Variants in HMCN1 observed in about 807,000 individuals in gnomAD.
HMCN1 encodes hemicentin 1.
Under a neutral mutation model 625.9 loss-of-function variants are expected in HMCN1, and 321 were observed. The observed-to-expected ratio is 0.51, with a 90% CI of 0.47 to 0.56. The LOEUF is 0.56. Among genes scored for constraint, HMCN1 ranks in the 20% least tolerant of loss-of-function variants. The pLI is 0.00. For missense variants in HMCN1, 6,588 were observed against 6,887.3 expected (o/e 0.96, Z 1.54); for synonymous variants, 2,425 against 2,417.6 (o/e 1.00, Z -0.09).
chr1:186,111,129 C>A lies in HMCN1; in HGVS notation c.10990-1683C>A, dbSNP rs138770868. 6.6e-5 allele frequency among the ~76,000 whole-genome samples: 10 copies of A among 150,672 alleles called. No homozygotes were observed. The East Asian group carries it at 2.0e-3, about 30-fold the overall frequency. ...CCAAGTAGCTGGGACTACAGGCACC[C>A]ACCACCAGGCCCGGCTACTTTTTTG... On this transcript the variant is annotated intron_variant, in intron 71 of 106. Transcript: ENST00000271588.
rs563890233 is a variant in HMCN1 at position 186,023,145 on chromosome 1, A to G, written c.5741A>G (p.His1914Arg). 7.4e-6 allele frequency: 12 copies of G among 1,613,002 alleles called. No individual in the cohort carries two copies. The highest frequency in any genetic ancestry group is 1.7e-5 in the Admixed American group (1 of 59,982). The change falls in exon 36 of 107, where the codon CAT becomes CGT. Residue 1914 changes from histidine to arginine, a missense_variant. His to Arg is a conservative substitution (Grantham distance 29, BLOSUM62 0). Around this residue, in one of 3 missense-constraint regions of HMCN1, gnomAD observed 4,628 missense variants for 4,853.1 expected, o/e 0.95. Transcript: ENST00000271588. ...GAAACACAACAGCACATTCAACTGC[A>G]TGTTCATGGTAATGTAATTTCTACA... ...AGETQQHIQLHVHEPPSLEDA... is the reference protein window; with the variant it reads ...AGETQQHIQLRVHEPPSLEDA...
intron 60 of HMCN1, 37 bp downstream of exon 60, chr1:186,087,682 T>G: frequency 6.3e-7 from 1 of 1,577,492 alleles, no homozygotes; most frequent in Non-Finnish European, 8.7e-7. Flanking sequence ...TCATGACACC[T>G]TGGTGGGGTG....
At chr1:186,110,977 C>CTGTTTTTTTTTTTTTTTTTTTT (rs1660847660) in intron 71 of HMCN1, among the ~76,000 whole-genome samples, 1 of 61,648 alleles carries the variant, frequency 1.6e-5, no homozygotes, top group African/African-American at 9.8e-5. Flanking sequence ...AGAGAAAATT[C>CTGTTTTTTTTTTTTTTTTTTTT]TTTTTTTTTT....
intron 1 of HMCN1, among the ~76,000 whole-genome samples, chr1:185,765,554 A>G (rs1381221999): frequency 6.6e-6 from 1 of 152,190 alleles, no homozygotes; most frequent in Non-Finnish European, 1.5e-5. Flanking sequence ...TACCACCAGT[A>G]TCCCTGTTTC....
At chr1:186,095,632 A>C (rs1451954037) in intron 68 of HMCN1, 111 bp downstream of exon 68, 1 of 1,167,574 alleles carries the variant, frequency 8.6e-7, no homozygotes. Context: ...TTTTTTAAAA[A>C]ATTTTTATTG....
rs868464857 is a variant in HMCN1, at chr1:186,174,498, G to A, written c.15815-16G>A. The A allele has an allele frequency of 6.2e-7, 1 of 1,613,124 alleles. No individual in the cohort carries two copies. The highest frequency in any genetic ancestry group is 8.5e-7 in the Non-Finnish European group (1 of 1,179,298). On this transcript the variant is annotated splice_polypyrimidine_tract_variant and intron_variant, in intron 102 of 106. Coordinates refer to ENST00000271588, the MANE Select transcript of HMCN1 (RefSeq NM_031935.3). Reference sequence around the variant, plus strand: ...GAAAGAGGAAATGTTACTTCTCATTGCCTCCATGTCTGTAGATATTGATGA... The same window carrying A: ...GAAAGAGGAAATGTTACTTCTCATTACCTCCATGTCTGTAGATATTGATGA...
chr1:185,773,503 A>G (rs1048273669), intron 1 of HMCN1, among the ~76,000 whole-genome samples: 5 of 152,168 alleles, frequency 3.3e-5, no homozygotes, highest in African/African-American at 1.2e-4. Context: ...TGTTGCATCT[A>G]TCTTTTCATC....
chr1:186,055,526 C>T lies in HMCN1; in HGVS notation c.6996C>T (p.Pro2332=), dbSNP rs767597600. Residue 2332 remains proline (P), a synonymous_variant, in exon 45 of 107, where the codon CCC becomes CCT. Coordinates refer to ENST00000271588, the MANE Select transcript of HMCN1 (RefSeq NM_031935.3). The part of the protein sequence containing the change: ...PTVTWMKDGH[P]LIKAKGVEIL... The stretch of plus-strand genomic sequence containing the variant: ...TGACCTGGATGAAAGATGGCCACCC[C>T]TTGATCAAGGCAAAGGGAGTAGAAA... The T allele has an allele frequency of 3.1e-6, 5 of 1,612,874 alleles. No individual in the cohort carries two copies. The highest frequency in any genetic ancestry group is 1.3e-5 in the African/African-American group (1 of 74,932).
intron 36 of HMCN1, among the ~76,000 whole-genome samples, chr1:186,035,197 CAG>C (rs1655739673): frequency 6.6e-6 from 1 of 151,982 alleles, no homozygotes; most frequent in African/African-American, 2.4e-5. Context: ...GTGCAGAAAA[CAG>C]AAACATTCTA....
chr1:185,803,537 G>A (rs889971648), intron 1 of HMCN1, among the ~76,000 whole-genome samples: 1 of 152,114 alleles, frequency 6.6e-6, no homozygotes. Context: ...GGAAAAAAGG[G>A]AGTTGAAAAG....
At chr1:186,030,230 TTCTA>T (rs759302442) in intron 36 of HMCN1, among the ~76,000 whole-genome samples, 9 of 152,244 alleles carry the variant, frequency 5.9e-5, no homozygotes, top group Non-Finnish European at 1.5e-5. Flanking sequence ...TGTGCAAGTC[TTCTA>T]TCTTTTTATT....
intron 2 of HMCN1, among the ~76,000 whole-genome samples, chr1:185,848,348 G>A (rs1661963802): frequency 6.6e-6 from 1 of 151,918 alleles, no homozygotes; most frequent in African/African-American, 2.4e-5. Context: ...GACAACATTG[G>A]ACTCTCCCTC....
rs771551118 is a variant in HMCN1, at chr1:186,130,593, G to C, written c.13126G>C (p.Asp4376His). 8 of 1,613,408 alleles carry C rather than the reference G, an allele frequency of 5.0e-6. No homozygotes were observed. The highest frequency in any genetic ancestry group is 2.5e-6 in the Non-Finnish European group (3 of 1,179,620). ...NAILNCEVKG[D>H]PTPTIQWNRK... is the part of the protein sequence containing the mutation. ...AATCCTGAATTGTGAGGTGAAAGGA[G>C]ACCCCACCCCAACCATCCAGTGGAA... is the stretch of plus-strand genomic sequence containing the variant. Residue 4376 changes from aspartate to histidine, a missense_variant, in exon 85 of 107, where the codon GAC becomes CAC. Asp to His is a moderately conservative substitution (Grantham distance 81). This residue lies in a region of HMCN1 where 1,954 missense variants were observed against 2,013.1 expected (regional missense o/e 0.97). Coordinates refer to ENST00000271588, the MANE Select transcript of HMCN1 (RefSeq NM_031935.3).
At chr1:185,999,044 A>G (rs968073958) in intron 25 of HMCN1, among the ~76,000 whole-genome samples, 4 of 152,052 alleles carry the variant, frequency 2.6e-5, no homozygotes, top group African/African-American at 9.7e-5. Context: ...TTCCATAAAT[A>G]TAACTTTCAT....
Position 186,137,645 on chromosome 1 carries a change from A to G in HMCN1, c.13730A>G (p.Asn4577Ser). ...PCQGSDLEMR[N>S]CQNKPCPVDG... ...CAAGGTTCAGATTTGGAAATGCGAA[A>G]CTGTCAAAATAAGCCTTGTCCAGGT... The change falls in exon 88 of 107, where the codon AAC (asparagine) becomes AGC (serine). Residue 4577 changes from asparagine (N) to serine (S), a missense_variant. Asn to Ser is a conservative substitution (Grantham distance 46). Around this residue, in one of 3 missense-constraint regions of HMCN1, gnomAD observed 1,954 missense variants for 2,013.1 expected, o/e 0.97. Transcript: ENST00000271588. 1 of 1,614,052 alleles carries G rather than the reference A, an allele frequency of 6.2e-7. No homozygotes were observed. Among genetic ancestry groups the G allele is most frequent in the East Asian group, 2.2e-5 (1 of 44,880 alleles).
At chr1:185,933,935 T>C in intron 11 of HMCN1, 111 bp downstream of exon 11, 1 of 920,632 alleles carries the variant, frequency 1.1e-6, no homozygotes, top group Non-Finnish European at 1.8e-6. Flanking sequence ...CCCAAATAAT[T>C]ACAGTTTTAA....
intron 11 of HMCN1, among the ~76,000 whole-genome samples, chr1:185,938,297 C>A (rs1667919001): frequency 6.6e-6 from 1 of 152,112 alleles, no homozygotes; most frequent in African/African-American, 2.4e-5. Flanking sequence ...CTAGACACAT[C>A]CTGGCTGAAT....
Position 186,018,243 on chromosome 1 carries a change from A to T in HMCN1, c.5361A>T (p.Gly1787=), listed in dbSNP as rs754130818. 3 of 1,612,948 alleles carry T rather than the reference A, an allele frequency of 1.9e-6. No individual in the cohort carries two copies. The highest frequency in any genetic ancestry group is 1.7e-6 in the Non-Finnish European group (2 of 1,179,094). ...ERDGFKILLN[G]RKLVIAQAQV... is the part of the protein sequence containing the mutation. ...ATGGATTCAAGATTTTATTAAATGG[A>T]CGCAAACTGGTTATTGCTCAGGCTC... Residue 1787 remains glycine, a synonymous_variant, in exon 34 of 107, where the codon GGA becomes GGT. Coordinates refer to ENST00000271588, the MANE Select transcript of HMCN1 (RefSeq NM_031935.3).
At chr1:185,811,611 A>T (rs897705356) in intron 1 of HMCN1, among the ~76,000 whole-genome samples, 1 of 147,846 alleles carries the variant, frequency 6.8e-6, no homozygotes, top group Non-Finnish European at 1.5e-5. Context: ...AAATAAAAAT[A>T]AAAAAAAAAG....
Sources: gnomAD v4.1 joint callset for allele counts (sites outside exome capture counted in the v4.1 genomes callset) on GRCh38, gnomAD v4.1.1 for gene constraint, gnomAD v4.1.1 regional missense constraint, MANE v1.5 for transcripts, NCBI Gene and HGNC (gene_info 2026-07-23, HGNC 2026-07-21) for gene names.